The following KLHDC10 variants were observed in gnomAD, a reference collection of about 807,000 sequenced individuals.
The protein encoded by KLHDC10 is kelch domain containing 10, also known as kelch domain-containing protein 10.
KLHDC10 carries 24 observed loss-of-function variants against 56.1 expected under a neutral mutation model. The ratio of observed to expected loss-of-function variants is 0.43; its 90% CI spans 0.31 to 0.60. The LOEUF (loss-of-function observed/expected upper bound fraction) is 0.60. KLHDC10 is among the 20% of genes least tolerant of loss of function. The pLI, the probability that KLHDC10 is intolerant of heterozygous loss-of-function variation, is 0.11. For synonymous variants in KLHDC10, 188 were observed against 207.1 expected, an observed-to-expected ratio of 0.91 and a Z score of 0.79; for missense variants, 349 against 567.0, an observed-to-expected ratio of 0.62 and a Z score of 3.91.
At position 130,120,704 on chromosome 7, in the gene KLHDC10, G is replaced by A; in HGVS notation, c.476-45G>A. On this transcript the variant is annotated intron_variant, in intron 3 of 9. Coordinates refer to ENST00000335420, the MANE Select transcript of KLHDC10 (RefSeq NM_014997.4). This position sits in a 1 kb window ranked among gnomAD's most constrained non-coding sequence, Gnocchi z 5.1. The stretch of plus-strand genomic sequence containing the variant: ...TTCTGGGTTTATGTGGGAACAAATT[G>A]CAGGTAGCCATTTGTGAACAGAACT... 6.2e-7 allele frequency: 1 copy of A among 1,606,088 alleles called. No individual in the cohort carries two copies. The highest frequency in any genetic ancestry group is 8.5e-7 in the Non-Finnish European group (1 of 1,174,714).
Position 130,070,711 on chromosome 7 carries a change from G to A in KLHDC10, c.68G>A (p.Gly23Glu). The part of the protein sequence containing the change: ...RGGGAAGAGG[G>E]GSGAGGGSGG... ...GGAGGCGCCGCCGGCGCTGGTGGCG[G>A]AGGTAGCGGGGCCGGCGGGGGCAGT... Residue 23 changes from glycine (G) to glutamate (E), a missense_variant, in exon 1 of 10, where the codon GGA becomes GAA. By Grantham distance (98) the Gly-to-Glu change is moderately conservative (BLOSUM62 -2). Transcript: ENST00000335420. 4.6e-6 allele frequency: 6 copies of A among 1,293,758 alleles called. No homozygotes were observed. In the South Asian group the frequency reaches 1.4e-4, roughly 31 times the overall value. 80.1% of individuals were successfully genotyped at this position (1,293,758 alleles called of 1,614,324 possible). A position where few individuals can be genotyped will look rare whatever the true frequency, so the allele number is the denominator to read the frequency against.
At chr7:130,123,016 T>TATGGATGTATGG (rs1554467484) in intron 5 of KLHDC10, among the ~76,000 whole-genome samples, 5 of 148,932 alleles carry the variant, frequency 3.4e-5, no homozygotes, top group Non-Finnish European at 7.5e-5. Context: ...TAGATGGATG[T>TATGGATGTATGG]ATGGATGGAT....
chr7:130,076,378 T>C (rs1403742413), intron 1 of KLHDC10, among the ~76,000 whole-genome samples: 2 of 152,314 alleles, frequency 1.3e-5, no homozygotes, highest in Non-Finnish European at 2.9e-5. Flanking sequence ...ATTGACACGT[T>C]GCAGATATTT....
chr7:130,122,028 C>A, intron 4 of KLHDC10, 26 bp from the exon 5 acceptor site: 2 of 1,601,010 alleles, frequency 1.2e-6, no homozygotes, highest in South Asian at 2.3e-5. Context: ...ACAAGTCGGT[C>A]TTATTCACCT....
At chr7:130,070,913 C>A in intron 1 of KLHDC10, 104 bp downstream of exon 1, 4 of 781,758 alleles carry the variant, frequency 5.1e-6, no homozygotes, top group Non-Finnish European at 7.1e-6. Context: ...GAAAGGCAGG[C>A]CCCACGCATA....
chr7:130,070,637 G>C lies in KLHDC10; in HGVS notation c.-7G>C. 7.6e-7 allele frequency: 1 copy of C among 1,317,794 alleles called. No homozygotes were observed. Among genetic ancestry groups the C allele is most frequent in the Non-Finnish European group, 9.7e-7 (1 of 1,028,500 alleles). The allele number at this position is 1,317,794 out of a possible 1,614,324, so 81.6% of individuals were successfully genotyped here. On this transcript the variant is annotated 5_prime_UTR_variant, in exon 1 of 10. Transcript: ENST00000335420. Reference sequence around the variant, plus strand: ...CGGGACCGGGCTGCGGCAATCGTTAGCGGGTCATGTCGGCCGCCCAGGGCT... The same window carrying C: ...CGGGACCGGGCTGCGGCAATCGTTACCGGGTCATGTCGGCCGCCCAGGGCT...
At chr7:130,112,058 T>A (rs1442288164) in intron 2 of KLHDC10, among the ~76,000 whole-genome samples, 1 of 152,214 alleles carries the variant, frequency 6.6e-6, no homozygotes, top group Non-Finnish European at 1.5e-5. Flanking sequence ...TTTTTATTTT[T>A]TCTATAAAAA....
chr7:130,094,165 A>T (rs1351567809), intron 1 of KLHDC10, among the ~76,000 whole-genome samples: 1 of 152,044 alleles, frequency 6.6e-6, no homozygotes, highest in Non-Finnish European at 1.5e-5. Context: ...GCCTCAAGTG[A>T]TCTGCCCGCC....
chr7:130,134,324 T>C lies in KLHDC10; in HGVS notation c.*3578T>C, dbSNP rs1381817661. Reference sequence around the variant, plus strand: ...AGGCTGAACAATTAGAGTTGAATGCTGAAATTAGGAACCACAGGTGGTAAT... The same window carrying C: ...AGGCTGAACAATTAGAGTTGAATGCCGAAATTAGGAACCACAGGTGGTAAT... On this transcript the variant is annotated 3_prime_UTR_variant, in exon 10 of 10. Coordinates refer to ENST00000335420, the MANE Select transcript of KLHDC10 (RefSeq NM_014997.4). 1.3e-5 allele frequency: 2 copies of C among 152,170 alleles called. No homozygotes were observed. Among genetic ancestry groups the C allele is most frequent in the Admixed American group, 1.3e-4 (2 of 15,272 alleles). 9.4% of individuals were successfully genotyped at this position (152,170 alleles called of 1,614,324 possible).
chr7:130,113,857 A>C (rs1796133528), intron 2 of KLHDC10, among the ~76,000 whole-genome samples: 1 of 152,230 alleles, frequency 6.6e-6, no homozygotes, highest in Non-Finnish European at 1.5e-5. Flanking sequence ...TGTTGGCTTC[A>C]GGTAATACAG....
At chr7:130,101,534 A>G (rs1053816320) in intron 2 of KLHDC10, among the ~76,000 whole-genome samples, 2 of 152,134 alleles carry the variant, frequency 1.3e-5, no homozygotes, top group Non-Finnish European at 2.9e-5. Flanking sequence ...CAAAACAGTT[A>G]CTTCCCCTAC....
chr7:130,076,571 C>T (rs998883366), intron 1 of KLHDC10, among the ~76,000 whole-genome samples: 1 of 151,978 alleles, frequency 6.6e-6, no homozygotes, highest in South Asian at 2.1e-4. Flanking sequence ...CTTGTGTTTT[C>T]TCCAGGTACT....
At chr7:130,128,889 A>AAAAAAAAAAAATAT in intron 8 of KLHDC10, among the ~76,000 whole-genome samples, 2 of 66,956 alleles carry the variant, frequency 3.0e-5, no homozygotes, top group Non-Finnish European at 5.5e-5. Context: ...AAAAAAAAAA[A>AAAAAAAAAAAATAT]ATATATATAT....
chr7:130,127,465 A>G lies in KLHDC10; in HGVS notation c.979+14A>G. ...AAATAAAAAATGGTAAGGATTCTAA[A>G]TAACATTTTGCTTCCATTTCTGTAA... On this transcript the variant is annotated intron_variant, in intron 8 of 9. Coordinates refer to ENST00000335420, the MANE Select transcript of KLHDC10 (RefSeq NM_014997.4). The G allele has an allele frequency of 6.3e-7, 1 of 1,590,564 alleles. No individual in the cohort carries two copies. Among genetic ancestry groups the G allele is most frequent in the African/African-American group, 1.3e-5 (1 of 74,584 alleles).
intron 2 of KLHDC10, among the ~76,000 whole-genome samples, chr7:130,109,071 C>T (rs1350303644): frequency 6.6e-6 from 1 of 151,942 alleles, no homozygotes; most frequent in African/African-American, 2.4e-5. Context: ...TGCGCCACCA[C>T]ACCCTGTATT....
intron 2 of KLHDC10, among the ~76,000 whole-genome samples, chr7:130,111,245 C>A (rs4236628): frequency 2.6e-5 from 4 of 151,800 alleles, no homozygotes; most frequent in East Asian, 3.9e-4. Flanking sequence ...TGAAATTATT[C>A]GAAACAAATG....
rs543180244 is a variant in KLHDC10 at position 130,124,592 on chromosome 7, G to A, written c.864+57G>A. 169 of 865,764 alleles carry A rather than the reference G, an allele frequency of 2.0e-4. 2 individuals carry two copies. The highest frequency in any genetic ancestry group is 1.2e-3 in the Admixed American group (62 of 50,226). The allele number at this position is 865,764 out of a possible 1,614,324, so 53.6% of individuals were successfully genotyped here. The stretch of plus-strand genomic sequence containing the variant: ...GGGAGAAGGATAGAAGGAGGCTTGC[G>A]TCAACCAAGCAAGATAATTCTGTTA... On this transcript the variant is annotated intron_variant, in intron 6 of 9. Coordinates refer to ENST00000335420, the MANE Select transcript of KLHDC10 (RefSeq NM_014997.4).
At chr7:130,089,192 CA>C (rs1202943325) in intron 1 of KLHDC10, among the ~76,000 whole-genome samples, 9 of 151,742 alleles carry the variant, frequency 5.9e-5, no homozygotes, top group South Asian at 2.1e-4. Context: ...CTTAGAATCA[CA>C]AAAAAAATTG....
chr7:130,092,594 G>C (rs976369898), intron 1 of KLHDC10, among the ~76,000 whole-genome samples: 3 of 152,076 alleles, frequency 2.0e-5, no homozygotes, highest in African/African-American at 7.2e-5. Context: ...ATCCCCACGG[G>C]GTTCTACCTT....
Sources: allele counts gnomAD v4.1 joint callset (sites outside exome capture counted in the v4.1 genomes callset), GRCh38; gene constraint gnomAD v4.1.1; non-coding constraint Gnocchi (gnomAD v3.1); transcripts MANE v1.5; gene names NCBI Gene and HGNC (gene_info 2026-07-23, HGNC 2026-07-21).